Variants in RAB38 observed in about 807,000 individuals in gnomAD.
RAB38 encodes RAB38, member RAS oncogene family, also known as ras-related protein Rab-38.
RAB38 carries 15 observed loss-of-function variants against 18.4 expected under a neutral mutation model. That is an observed-to-expected ratio of 0.82 (90% CI 0.55 to 1.26). RAB38 has a LOEUF of 1.26. Among genes scored for constraint, RAB38 ranks in the 50% most tolerant of loss-of-function variants. RAB38 has a pLI of 0.00. For synonymous variants in RAB38, 101 were observed against 104.4 expected (o/e 0.97, Z 0.20); for missense variants, 294 against 267.4 (o/e 1.10, Z -0.69).
At chr11:88,067,351 G>GA in the RAB38 span, among the ~76,000 whole-genome samples, 1,503 of 130,046 alleles carry the variant, frequency 0.012, 7 homozygotes, top group African/African-American at 0.02. Context: ...TTTAGCAAAT[G>GA]AAAAAAAAAA....
At chr11:88,031,692 A>G in the RAB38 span, among the ~76,000 whole-genome samples, 23 of 151,298 alleles carry the variant, frequency 1.5e-4, no homozygotes, top group Admixed American at 9.9e-4. Context: ...GGACCTCTTC[A>G]AGGAGAACTA....
At chr11:87,956,157 C>A in the RAB38 span, among the ~76,000 whole-genome samples, 1 of 152,064 alleles carries the variant, frequency 6.6e-6, no homozygotes, top group East Asian at 1.9e-4. Flanking sequence ...AATTATTTAA[C>A]TTATCTGAAA....
chr11:88,091,616 T>C, the RAB38 span, among the ~76,000 whole-genome samples: 2 of 151,996 alleles, frequency 1.3e-5, no homozygotes, highest in African/African-American at 2.4e-5. Flanking sequence ...TCTTTGCGGA[T>C]CAAGACCATT....
At chr11:87,943,985 A>G in the RAB38 span, among the ~76,000 whole-genome samples, 7 of 152,160 alleles carry the variant, frequency 4.6e-5, no homozygotes, top group Non-Finnish European at 1.0e-4. Context: ...TTTTTCCCTC[A>G]TATACAGACA....
chr11:88,036,954 T>G, the RAB38 span, among the ~76,000 whole-genome samples: 2 of 152,038 alleles, frequency 1.3e-5, no homozygotes, highest in African/African-American at 4.8e-5. Flanking sequence ...TTTCCTAGTT[T>G]TGTGTGTGTG....
chr11:87,843,641 A>G, the RAB38 span, among the ~76,000 whole-genome samples: 11 of 152,216 alleles, frequency 7.2e-5, no homozygotes, highest in Admixed American at 5.2e-4. Context: ...ATAATTTTGT[A>G]TGTGTTACTT....
At chr11:87,837,184 C>T in the RAB38 span, among the ~76,000 whole-genome samples, 4 of 152,202 alleles carry the variant, frequency 2.6e-5, no homozygotes, top group African/African-American at 7.2e-5. Context: ...CTTATTATAC[C>T]ACTCCTGAAC....
chr11:88,051,951 C>T, the RAB38 span, among the ~76,000 whole-genome samples: 1 of 152,046 alleles, frequency 6.6e-6, no homozygotes, highest in South Asian at 2.1e-4. Flanking sequence ...TGGCGAAACA[C>T]CTTCTCTACT....
Position 88,149,816 on chromosome 11 carries a change from G to T in RAB38, c.342C>A (p.Leu114=). Residue 114 remains leucine (L), a synonymous_variant, in exon 2 of 3, where the codon CTC becomes CTA. Coordinates refer to ENST00000243662, the MANE Select transcript of RAB38 (RefSeq NM_022337.3). Reference sequence around the variant, plus strand: ...CCACTGAAACCGGTTTGCCATTAGGGAGACTTAACTTGGAGTCCAAATCAT... The same window carrying T: ...CCACTGAAACCGGTTTGCCATTAGGTAGACTTAACTTGGAGTCCAAATCAT... ...WKNDLDSKLS[L]PNGKPVSVVL... The T allele has an allele frequency of 6.2e-7, 1 of 1,614,054 alleles. No homozygotes were observed. Among genetic ancestry groups the T allele is most frequent in the South Asian group, 1.1e-5 (1 of 91,060 alleles).
chr11:87,960,484 A>G, the RAB38 span, among the ~76,000 whole-genome samples: 3 of 152,148 alleles, frequency 2.0e-5, no homozygotes, highest in East Asian at 1.9e-4. Context: ...GAAAATGCTG[A>G]TAACAATGAT....
At chr11:88,138,971 C>T (rs942774403) in intron 2 of RAB38, among the ~76,000 whole-genome samples, 2 of 151,492 alleles carry the variant, frequency 1.3e-5, no homozygotes, top group African/African-American at 4.9e-5. Flanking sequence ...TTTTTAGTAG[C>T]GACGGTGTTT....
the RAB38 span, among the ~76,000 whole-genome samples, chr11:87,816,784 CT>C: frequency 3.3e-5 from 5 of 152,014 alleles, no homozygotes; most frequent in African/African-American, 1.2e-4. Context: ...ATAAAATATG[CT>C]GTATTTTAAA....
the RAB38 span, among the ~76,000 whole-genome samples, chr11:87,960,055 A>G: frequency 6.6e-6 from 1 of 152,200 alleles, no homozygotes; most frequent in Non-Finnish European, 1.5e-5. Flanking sequence ...TCAATTTGCC[A>G]AAGTTTATGT....
chr11:87,822,732 T>C, the RAB38 span, among the ~76,000 whole-genome samples: 1 of 152,196 alleles, frequency 6.6e-6, no homozygotes, highest in African/African-American at 2.4e-5. Flanking sequence ...TGAGTCAGTT[T>C]AAGTCCAGTC....
the RAB38 span, among the ~76,000 whole-genome samples, chr11:88,080,060 A>G: frequency 6.6e-6 from 1 of 151,812 alleles, no homozygotes; most frequent in Non-Finnish European, 1.5e-5. Flanking sequence ...AAATAAAAAA[A>G]CAAAAATAAA....
chr11:88,143,331 T>C (rs541709183), intron 2 of RAB38, among the ~76,000 whole-genome samples: 5 of 152,336 alleles, frequency 3.3e-5, no homozygotes, highest in Admixed American at 2.6e-4. Context: ...GTGGTAAACT[T>C]TGAAGCATAA....
chr11:87,929,046 T>C, the RAB38 span, among the ~76,000 whole-genome samples: 3 of 151,996 alleles, frequency 2.0e-5, no homozygotes, highest in Non-Finnish European at 4.4e-5. Flanking sequence ...ATTCAGGAAG[T>C]AGAGGTGGCA....
intron 1 of RAB38, among the ~76,000 whole-genome samples, chr11:88,160,895 A>G (rs749802298): frequency 1.3e-5 from 2 of 152,102 alleles, no homozygotes; most frequent in Non-Finnish European, 2.9e-5. Context: ...TCCCTGAGTA[A>G]GGGGATCATT....
chr11:88,026,833 T>C, the RAB38 span, among the ~76,000 whole-genome samples: 2 of 152,138 alleles, frequency 1.3e-5, no homozygotes, highest in Non-Finnish European at 2.9e-5. Flanking sequence ...TGAAAGTTAA[T>C]TGGAGAATAG....
Sources: allele counts gnomAD v4.1 joint callset (sites outside exome capture counted in the v4.1 genomes callset), GRCh38; gene constraint gnomAD v4.1.1; transcripts MANE v1.5; gene names NCBI Gene and HGNC (gene_info 2026-07-23, HGNC 2026-07-21).